SEC22A: variants seen among roughly 807,000 people sequenced by gnomAD.
The protein encoded by SEC22A is vesicle-trafficking protein SEC22a.
Under a neutral mutation model 35.3 loss-of-function variants are expected in SEC22A, and 22 were observed. The observed-to-expected ratio is 0.62, with a 90% confidence interval of 0.45 to 0.89. SEC22A has a LOEUF of 0.89. Among genes scored for constraint, SEC22A ranks in the 40% least tolerant of loss-of-function variants. The pLI is 0.00. For missense variants in SEC22A, 354 were observed against 362.5 expected, an observed-to-expected ratio of 0.98 and a Z score of 0.19; for synonymous variants, 119 against 129.5, an observed-to-expected ratio of 0.92 and a Z score of 0.55.
At chr3:123,258,450 C>G (rs1283144091) in intron 5 of SEC22A, among the ~76,000 whole-genome samples, 4 of 151,934 alleles carry the variant, frequency 2.6e-5, no homozygotes, top group Non-Finnish European at 5.9e-5. Context: ...AATAATCAAG[C>G]AGAACTTATT....
intron 4 of SEC22A, among the ~76,000 whole-genome samples, chr3:123,238,260 G>A (rs544817547): frequency 1.3e-4 from 20 of 152,176 alleles, no homozygotes; most frequent in East Asian, 9.7e-4. Context: ...GTGCAGTGGC[G>A]CAATCTCAGC....
intron 1 of SEC22A, among the ~76,000 whole-genome samples, chr3:123,202,397 T>A (rs1315294507): frequency 6.6e-6 from 1 of 152,164 alleles, no homozygotes; most frequent in Non-Finnish European, 1.5e-5. Context: ...AGGTGGCCCA[T>A]GAGAGCTTGA....
chr3:123,255,568 C>G (rs182364095), intron 5 of SEC22A, among the ~76,000 whole-genome samples: 2 of 152,182 alleles, frequency 1.3e-5, no homozygotes, highest in Non-Finnish European at 2.9e-5. Context: ...TGCCTCCCAA[C>G]TTTCTTCCTC....
chr3:123,257,604 C>G (rs951695213), intron 5 of SEC22A, among the ~76,000 whole-genome samples: 4 of 152,102 alleles, frequency 2.6e-5, no homozygotes, highest in Non-Finnish European at 5.9e-5. Context: ...GAGGCTGAGG[C>G]AGGAGAATCG....
Position 123,240,063 on chromosome 3 carries a change from G to C in SEC22A, c.542-5836G>C, listed in dbSNP as rs144567781. 2.3e-3 allele frequency among the ~76,000 whole-genome samples: 356 copies of C among 152,260 alleles called. 2 individuals are homozygous for C. The highest frequency in any genetic ancestry group is 8.3e-3 in the African/African-American group (347 of 41,560). On this transcript the variant is annotated intron_variant, in intron 4 of 6. Coordinates refer to ENST00000492595, the MANE Select transcript of SEC22A (RefSeq NM_012430.5). ...GCCCTGGCTGTGAGAGCCTTGTAGA[G>C]GAGTTGGTTGGTAGTGTGAGTCTGG...
chr3:123,202,005 C>T lies in SEC22A; in HGVS notation c.-20+19C>T, dbSNP rs999291978. Reference sequence around the variant, plus strand: ...TCGACAGGTACTCCCCGGCCCCTCCCAGTCCTCTTCTTCCTTTCTTAGGGG... The same window carrying T: ...TCGACAGGTACTCCCCGGCCCCTCCTAGTCCTCTTCTTCCTTTCTTAGGGG... On this transcript the variant is annotated intron_variant, in intron 1 of 6. Transcript: ENST00000492595. 1 of 152,948 alleles carries T rather than the reference C, an allele frequency of 6.5e-6. No individual in the cohort carries two copies. The highest frequency in any genetic ancestry group is 1.5e-5 in the Non-Finnish European group (1 of 68,310). 9.5% of individuals were successfully genotyped at this position (152,948 alleles called of 1,614,324 possible). A position where few individuals can be genotyped will look rare whatever the true frequency, so the allele number is the denominator to read the frequency against.
Position 123,241,949 on chromosome 3 carries a change from G to GA in SEC22A, c.542-3935dup, listed in dbSNP as rs200139005. ...TAAAAAGCCCTCAACCACTTTTCTG[G>GA]AAAAAAAAAAAAAAATTTTAAGGAG... On this transcript the variant is annotated intron_variant, in intron 4 of 6. Coordinates refer to ENST00000492595, the MANE Select transcript of SEC22A (RefSeq NM_012430.5). 1.6e-3 allele frequency among the ~76,000 whole-genome samples: 225 copies of GA among 144,840 alleles called. 1 individual carries two copies. The highest frequency in any genetic ancestry group is 2.6e-3 in the South Asian group (12 of 4,576).
chr3:123,205,179 G>A (rs1369448548), intron 1 of SEC22A, among the ~76,000 whole-genome samples: 1 of 152,200 alleles, frequency 6.6e-6, no homozygotes, highest in Non-Finnish European at 1.5e-5. Context: ...TAAGCCTGAC[G>A]TTGATCATTG....
intron 1 of SEC22A, among the ~76,000 whole-genome samples, chr3:123,207,539 AAG>A (rs1214468070): frequency 2.6e-5 from 4 of 152,212 alleles, no homozygotes; most frequent in African/African-American, 9.6e-5. Flanking sequence ...CCTGACAGAG[AAG>A]AGTTATCACT....
intron 5 of SEC22A, among the ~76,000 whole-genome samples, chr3:123,257,572 G>A (rs1007215058): frequency 5.3e-5 from 8 of 152,040 alleles, no homozygotes; most frequent in Non-Finnish European, 7.4e-5. Context: ...GGTGATGGGT[G>A]CCTGTAATCC....
rs540710833 is a variant in SEC22A at position 123,241,073 on chromosome 3, AT to A, written c.542-4818del. On this transcript the variant is annotated intron_variant, in intron 4 of 6. Coordinates refer to ENST00000492595, the MANE Select transcript of SEC22A (RefSeq NM_012430.5). ...CTTCATAATCCAACAGGTATTTATC[AT>A]TTTTTTTCTCTAAAGTATTATGCTA... Among the ~76,000 whole-genome samples, 32 of 149,180 alleles carry A rather than the reference AT, an allele frequency of 2.1e-4. No homozygotes were observed. The East Asian group carries it at 5.0e-3, about 23-fold the overall frequency.
At chr3:123,241,711 C>T (rs975873829) in intron 4 of SEC22A, among the ~76,000 whole-genome samples, 1 of 152,138 alleles carries the variant, frequency 6.6e-6, no homozygotes, top group Non-Finnish European at 1.5e-5. Flanking sequence ...TCACTTAATG[C>T]TTCCACCTCT....
chr3:123,255,677 T>C (rs1937714415), intron 5 of SEC22A, among the ~76,000 whole-genome samples: 1 of 152,222 alleles, frequency 6.6e-6, no homozygotes, highest in East Asian at 1.9e-4. Context: ...ATGAAAATGA[T>C]AGCATACTCA....
At chr3:123,253,051 A>G (rs939930585) in intron 5 of SEC22A, among the ~76,000 whole-genome samples, 8 of 152,208 alleles carry the variant, frequency 5.3e-5, no homozygotes, top group African/African-American at 1.9e-4. Context: ...CCTTGAAACA[A>G]TTACATTAAT....
chr3:123,250,178 G>A (rs1189810364), intron 5 of SEC22A, among the ~76,000 whole-genome samples: 5 of 152,132 alleles, frequency 3.3e-5, no homozygotes, highest in African/African-American at 7.2e-5. Flanking sequence ...TTGGGAGGCC[G>A]AGGCAGATGG....
At chr3:123,252,950 A>T (rs1937632167) in intron 5 of SEC22A, among the ~76,000 whole-genome samples, 1 of 152,198 alleles carries the variant, frequency 6.6e-6, no homozygotes, top group Non-Finnish European at 1.5e-5. Flanking sequence ...GAGTTTAGAG[A>T]TGGTAATAAG....
chr3:123,232,304 A>C (rs1180426931), intron 4 of SEC22A, among the ~76,000 whole-genome samples: 1 of 152,242 alleles, frequency 6.6e-6, no homozygotes, highest in African/African-American at 2.4e-5. Flanking sequence ...AGGATTATAA[A>C]GAATACTATA....
rs952170839 is a variant in SEC22A at position 123,273,814 on chromosome 3, A to C, written c.*2092A>C. The C allele has an allele frequency of 6.6e-6, 1 of 152,222 alleles. No homozygotes were observed. Among genetic ancestry groups the C allele is most frequent in the African/African-American group, 2.4e-5 (1 of 41,454 alleles). The allele number at this position is 152,222 out of a possible 1,614,324, so 9.4% of individuals were successfully genotyped here. A position where few individuals can be genotyped will look rare whatever the true frequency, so the allele number is the denominator to read the frequency against. ...ACAGAGCGAGACTCTGTCTCAAAAA[A>C]GAAAGGTTTTCTAAACTAATGGTTA... On this transcript the variant is annotated 3_prime_UTR_variant, in exon 7 of 7. Coordinates refer to ENST00000492595, the MANE Select transcript of SEC22A (RefSeq NM_012430.5).
chr3:123,213,401 C>T (rs1170911708), intron 2 of SEC22A, among the ~76,000 whole-genome samples: 3 of 152,178 alleles, frequency 2.0e-5, no homozygotes, highest in Admixed American at 1.3e-4. Flanking sequence ...GCTGTAGCAA[C>T]ATCATAGCAC....
Sources: gnomAD v4.1 joint callset for allele counts (sites outside exome capture counted in the v4.1 genomes callset) on GRCh38, gnomAD v4.1.1 for gene constraint, MANE v1.5 for transcripts, NCBI Gene and HGNC (gene_info 2026-07-23, HGNC 2026-07-21) for gene names.